Variants in LDB2 observed in about 807,000 individuals in gnomAD.
The protein encoded by LDB2 is LIM domain-binding protein 2.
In LDB2, 12 loss-of-function variants were observed where a neutral mutation model predicts 44.3. That is an observed-to-expected ratio of 0.27 (90% confidence interval 0.17 to 0.44). LDB2 has a LOEUF of 0.44. LDB2 is among the 20% of genes least tolerant of loss of function. The pLI is 1.00. For missense variants in LDB2, 344 were observed against 473.5 expected (o/e 0.73, Z 2.54); for synonymous variants, 164 against 174.8 (o/e 0.94, Z 0.49).
At chr4:16,705,285 C>A (rs62298948) in intron 2 of LDB2, among the ~76,000 whole-genome samples, 1,655 of 152,210 alleles carry the variant, frequency 0.011, 19 homozygotes, top group Non-Finnish European at 0.018. Flanking sequence ...TGCCCTATGG[C>A]TTCTGACTTA....
chr4:16,862,499 A>G (rs1026445225), intron 1 of LDB2, among the ~76,000 whole-genome samples: 2 of 151,842 alleles, frequency 1.3e-5, no homozygotes, highest in Non-Finnish European at 2.9e-5. Context: ...TAGGCGTGAT[A>G]GTGGATACCT....
chr4:16,721,838 T>C (rs1266118463), intron 2 of LDB2, among the ~76,000 whole-genome samples: 1 of 152,200 alleles, frequency 6.6e-6, no homozygotes, highest in Non-Finnish European at 1.5e-5. Context: ...AGTACAGTGA[T>C]GTTTGTCAAA....
In LDB2 at chr4:16,527,682, A is replaced by G. The variant is rs114503500; in HGVS notation, c.616-15578T>C. Among the ~76,000 whole-genome samples the G allele has an allele frequency of 9.7e-3, 1,474 of 152,304 alleles. 26 individuals carry two copies. The highest frequency in any genetic ancestry group is 0.034 in the African/African-American group (1,401 of 41,568). On this transcript the variant is annotated intron_variant, in intron 5 of 7. Transcript: ENST00000304523. ...GTGGAACCAGCCCACATGCCCATCA[A>G]TCAGAGTGGATAAAGAACTGTGGTA...
At chr4:16,808,298 A>G (rs1374720295) in intron 1 of LDB2, among the ~76,000 whole-genome samples, 1 of 152,200 alleles carries the variant, frequency 6.6e-6, no homozygotes, top group African/African-American at 2.4e-5. Context: ...ATATGATTTT[A>G]TTAGTTTCAG....
intron 5 of LDB2, among the ~76,000 whole-genome samples, chr4:16,539,436 TG>T (rs1160735900): frequency 6.6e-6 from 1 of 152,196 alleles, no homozygotes; most frequent in Non-Finnish European, 1.5e-5. Flanking sequence ...TACTTCCCTC[TG>T]GTCACATACA....
Position 16,502,568 on chromosome 4 carries a change from C to T in LDB2, c.*75G>A. ...AAAGTTTTTATCTCTTCTGTTTCCTCTCCTGTAAGTAAAGATTTGCAATTG... is the reference window on the plus strand; with the variant it reads ...AAAGTTTTTATCTCTTCTGTTTCCTTTCCTGTAAGTAAAGATTTGCAATTG... On this transcript the variant is annotated 3_prime_UTR_variant, in exon 8 of 8. Coordinates refer to ENST00000304523, the MANE Select transcript of LDB2 (RefSeq NM_001290.5). 6.4e-7 allele frequency: 1 copy of T among 1,564,532 alleles called. No homozygotes were observed.
At chr4:16,824,818 G>A (rs1454862614) in intron 1 of LDB2, among the ~76,000 whole-genome samples, 1 of 152,238 alleles carries the variant, frequency 6.6e-6, no homozygotes, top group East Asian at 1.9e-4. Flanking sequence ...GTTATTGAGT[G>A]CCAGCCATGT....
chr4:16,876,935 CT>C (rs35285454), intron 1 of LDB2, among the ~76,000 whole-genome samples: 52,084 of 149,028 alleles, frequency 0.35, 10,010 homozygotes, highest in East Asian at 0.68. Flanking sequence ...GAGACAAGGT[CT>C]TCGCTCTGTC....
intron 2 of LDB2, among the ~76,000 whole-genome samples, chr4:16,735,109 T>C (rs1194261226): frequency 6.6e-6 from 1 of 152,156 alleles, no homozygotes; most frequent in Non-Finnish European, 1.5e-5. Flanking sequence ...TGTTTGACGC[T>C]GAGGGTAATG....
intron 2 of LDB2, among the ~76,000 whole-genome samples, chr4:16,621,274 A>G (rs1237725905): frequency 1.3e-5 from 2 of 152,230 alleles, no homozygotes; most frequent in African/African-American, 4.8e-5. Context: ...GGAACTTGGC[A>G]GCCCCAGATG....
intron 1 of LDB2, among the ~76,000 whole-genome samples, chr4:16,849,479 G>A (rs1787760553): frequency 6.6e-6 from 1 of 152,208 alleles, no homozygotes. Context: ...ATGAATGTCA[G>A]TTACACTTTA....
At chr4:16,608,206 C>CAAAAAAAAAAAAAAAAAAAAAA (rs71649969) in intron 2 of LDB2, among the ~76,000 whole-genome samples, 1 of 68,484 alleles carries the variant, frequency 1.5e-5, no homozygotes, top group African/African-American at 5.1e-5. Flanking sequence ...CACACTTCTT[C>CAAAAAAAAAAAAAAAAAAAAAA]AAAAAAAAAA....
intron 2 of LDB2, among the ~76,000 whole-genome samples, chr4:16,607,072 G>T (rs1724153629): frequency 6.6e-6 from 1 of 152,192 alleles, no homozygotes; most frequent in African/African-American, 2.4e-5. Context: ...TATTATACAA[G>T]ACATTCCTTC....
At chr4:16,575,185 A>G (rs1382783093) in intron 5 of LDB2, among the ~76,000 whole-genome samples, 1 of 152,226 alleles carries the variant, frequency 6.6e-6, no homozygotes, top group Non-Finnish European at 1.5e-5. Flanking sequence ...ATGACTATGC[A>G]GAAACATGCA....
chr4:16,510,295 T>C (rs1301561637), intron 6 of LDB2, among the ~76,000 whole-genome samples: 4 of 152,174 alleles, frequency 2.6e-5, no homozygotes. Flanking sequence ...AAATATTTTG[T>C]CTCTTATGCT....
chr4:16,603,157 C>T (rs1723010131), intron 2 of LDB2, among the ~76,000 whole-genome samples: 1 of 152,192 alleles, frequency 6.6e-6, no homozygotes, highest in South Asian at 2.1e-4. Flanking sequence ...CTGACAATAA[C>T]ATTGTATAGG....
rs557831229 is a variant in LDB2, at chr4:16,897,740, A to G, written c.132+614T>C. On this transcript the variant is annotated intron_variant, in intron 1 of 7. Transcript: ENST00000304523. The stretch of plus-strand genomic sequence containing the variant: ...CCTTGCCCCAAGCAACTGGTTTCTG[A>G]TTTTAACACTGAAATATACAAACAT... Among the ~76,000 whole-genome samples the G allele has an allele frequency of 2.6e-5, 4 of 151,960 alleles. No homozygotes were observed. The South Asian group carries it at 6.2e-4, about 24-fold the overall frequency.
At chr4:16,656,060 C>T (rs931806258) in intron 2 of LDB2, among the ~76,000 whole-genome samples, 14 of 151,930 alleles carry the variant, frequency 9.2e-5, no homozygotes, top group African/African-American at 2.7e-4. Flanking sequence ...CCACCACGCC[C>T]GGCTAATTTT....
chr4:16,783,290 G>T (rs140064262), intron 1 of LDB2, among the ~76,000 whole-genome samples: 1 of 152,342 alleles, frequency 6.6e-6, no homozygotes, highest in South Asian at 2.1e-4. Context: ...TGCAAGGAAC[G>T]TTGTTTACAA....
Sources: allele counts gnomAD v4.1 joint callset (sites outside exome capture counted in the v4.1 genomes callset), GRCh38; gene constraint gnomAD v4.1.1; transcripts MANE v1.5; gene names NCBI Gene and HGNC (gene_info 2026-07-23, HGNC 2026-07-21).